RABGEF1: variants seen among roughly 807,000 people sequenced by gnomAD.
RABGEF1 encodes the protein RAB guanine nucleotide exchange factor 1.
Under a neutral mutation model 57.3 loss-of-function variants are expected in RABGEF1, and 26 were observed. That is an observed-to-expected ratio of 0.45 (90% CI 0.33 to 0.63). The LOEUF is 0.63. Ranked by LOEUF, RABGEF1 falls within the 20% of genes least tolerant of loss-of-function variation. The pLI, the probability that RABGEF1 is intolerant of heterozygous loss-of-function variation, is 0.02. For missense variants in RABGEF1, 464 were observed against 607.6 expected, an observed-to-expected ratio of 0.76 and a Z score of 2.48; for synonymous variants, 185 against 210.7, an observed-to-expected ratio of 0.88 and a Z score of 1.06.
chr7:66,778,897 C>T (rs1475166779), intron 3 of RABGEF1, among the ~76,000 whole-genome samples: 3 of 152,186 alleles, frequency 2.0e-5, no homozygotes, highest in Non-Finnish European at 2.9e-5. Flanking sequence ...AGGCAGATCA[C>T]CTAAGGTTGG....
chr7:66,780,792 C>T (rs1370043563), intron 3 of RABGEF1, among the ~76,000 whole-genome samples: 1 of 152,036 alleles, frequency 6.6e-6, no homozygotes, highest in Non-Finnish European at 1.5e-5. Flanking sequence ...ATGAGATGCC[C>T]CTTTTTTGTT....
intron 2 of RABGEF1, among the ~76,000 whole-genome samples, chr7:66,774,790 C>T (rs1471143077): frequency 6.6e-6 from 1 of 152,132 alleles, no homozygotes; most frequent in Non-Finnish European, 1.5e-5. Flanking sequence ...TCCTATTTAT[C>T]CTTTAAGACC....
chr7:66,781,032 T>G (rs192717228), intron 3 of RABGEF1, among the ~76,000 whole-genome samples: 10 of 152,290 alleles, frequency 6.6e-5, no homozygotes, highest in Non-Finnish European at 1.2e-4. Flanking sequence ...GCACGTATAT[T>G]TAATGTGATT....
chr7:66,732,365 C>T (rs1186999217), intron 2 of RABGEF1, among the ~76,000 whole-genome samples: 1 of 152,196 alleles, frequency 6.6e-6, no homozygotes, highest in Admixed American at 6.5e-5. Context: ...GGCTTGGCTC[C>T]CCTGCTGCCC....
the RABGEF1 span, among the ~76,000 whole-genome samples, chr7:66,671,973 C>T: frequency 8.6e-5 from 13 of 151,774 alleles, no homozygotes; most frequent in Non-Finnish European, 1.8e-4. Context: ...CACACCACCA[C>T]GCCTGGCTAA....
At chr7:66,692,499 A>G (rs1791668169) in intron 1 of RABGEF1, among the ~76,000 whole-genome samples, 1 of 152,220 alleles carries the variant, frequency 6.6e-6, no homozygotes, top group African/African-American at 2.4e-5. Context: ...ACCCAAAACC[A>G]TCACCATGAA....
intron 2 of RABGEF1, among the ~76,000 whole-genome samples, chr7:66,717,294 C>A (rs1380109890): frequency 6.6e-6 from 1 of 152,100 alleles, no homozygotes; most frequent in Non-Finnish European, 1.5e-5. Flanking sequence ...AATGTAGGAA[C>A]CTGGCTATCA....
chr7:66,734,917 A>G lies in RABGEF1; in HGVS notation c.-814-5079A>G, dbSNP rs1321104782. ...GCCACCCCACAAAACTGCTCACCAC[A>G]TGGCCAAACAGGTTTGTCTTTTTCC... On this transcript the variant is annotated intron_variant and NMD_transcript_variant, in intron 2 of 9. Transcript: ENST00000607882. Among the ~76,000 whole-genome samples, 3 of 152,150 alleles carry G rather than the reference A, an allele frequency of 2.0e-5. No individual in the cohort carries two copies. In the East Asian group the frequency reaches 5.8e-4, roughly 29 times the overall value.
intron 1 of RABGEF1, among the ~76,000 whole-genome samples, chr7:66,756,645 G>C (rs919064190): frequency 6.6e-6 from 1 of 152,054 alleles, no homozygotes; most frequent in Admixed American, 6.6e-5. Context: ...TTCAGTTTAT[G>C]TATTTTAAGT....
At chr7:66,793,113 C>T (rs1373436302) in intron 4 of RABGEF1, among the ~76,000 whole-genome samples, 3 of 152,084 alleles carry the variant, frequency 2.0e-5, no homozygotes, top group Admixed American at 6.5e-5. Context: ...CCTCTCGGGT[C>T]TCTAAAAGGA....
rs67647811 is a variant in RABGEF1, at chr7:66,687,483, C to CA, written c.-873+5241dup. On this transcript the variant is annotated intron_variant and NMD_transcript_variant, in intron 1 of 9. Transcript: ENST00000607882. ...AGAAGTAAATTTCTGTTGTTTAAGC[C>CA]AAAAAAAAAAAAAAAAGAAAGAAAA... is the stretch of plus-strand genomic sequence containing the variant. Among the ~76,000 whole-genome samples, 576 of 120,790 alleles carry CA rather than the reference C, an allele frequency of 4.8e-3. 1 individual carries two copies. Among genetic ancestry groups the CA allele is most frequent in the African/African-American group, 0.011 (326 of 29,540 alleles). The allele number at this position is 120,790 out of a possible 152,430, so 79.2% of individuals were successfully genotyped here.
intron 1 of RABGEF1, among the ~76,000 whole-genome samples, chr7:66,707,581 G>A (rs1475766368): frequency 1.3e-5 from 2 of 152,082 alleles, no homozygotes; most frequent in Non-Finnish European, 2.9e-5. Context: ...CCAGCTACTC[G>A]GGAGGCTGAG....
chr7:66,766,765 C>A (rs1431377806), intron 1 of RABGEF1, among the ~76,000 whole-genome samples: 4 of 151,716 alleles, frequency 2.6e-5, no homozygotes, highest in African/African-American at 4.9e-5. Context: ...CACTCTGTTG[C>A]GCAGGCTGGA....
intron 1 of RABGEF1, among the ~76,000 whole-genome samples, chr7:66,685,711 A>G (rs1467934510): frequency 6.6e-6 from 1 of 152,234 alleles, no homozygotes; most frequent in Non-Finnish European, 1.5e-5. Flanking sequence ...GCTGGTTTTC[A>G]GTGAACAAAA....
At chr7:66,804,139 T>G (rs556716362) in intron 7 of RABGEF1, among the ~76,000 whole-genome samples, 1 of 151,708 alleles carries the variant, frequency 6.6e-6, no homozygotes, top group African/African-American at 2.4e-5. Flanking sequence ...GCTGGAGTGC[T>G]GTGGTATGAT....
intron 1 of RABGEF1, among the ~76,000 whole-genome samples, chr7:66,767,079 T>C (rs942172500): frequency 6.7e-6 from 1 of 149,218 alleles, no homozygotes; most frequent in African/African-American, 2.5e-5. Context: ...CTTGGCTCAC[T>C]GCAACCTCCA....
At chr7:66,756,623 C>G (rs1802788659) in intron 1 of RABGEF1, among the ~76,000 whole-genome samples, 1 of 152,118 alleles carries the variant, frequency 6.6e-6, no homozygotes, top group South Asian at 2.1e-4. Context: ...CTCTTAAAAA[C>G]TAGCTAGATG....
At chr7:66,694,093 G>A (rs1240753752) in intron 1 of RABGEF1, among the ~76,000 whole-genome samples, 2 of 152,236 alleles carry the variant, frequency 1.3e-5, no homozygotes, top group Non-Finnish European at 2.9e-5. Context: ...ACAGGCGTGA[G>A]CCACTGCACC....
At chr7:66,707,250 A>G (rs1470653458) in intron 1 of RABGEF1, among the ~76,000 whole-genome samples, 3 of 152,208 alleles carry the variant, frequency 2.0e-5, no homozygotes, top group Non-Finnish European at 4.4e-5. Flanking sequence ...GGCCTAGCAT[A>G]TAATTTATAG....
Sources: allele counts gnomAD v4.1 joint callset (sites outside exome capture counted in the v4.1 genomes callset), GRCh38; gene constraint gnomAD v4.1.1; transcripts MANE v1.5; gene names NCBI Gene and HGNC (gene_info 2026-07-23, HGNC 2026-07-21).